The following TBL1X variants were observed in gnomAD, a reference collection of about 807,000 sequenced individuals.
TBL1X encodes the protein F-box-like/WD repeat-containing protein TBL1X.
Under a neutral mutation model 50.7 loss-of-function variants are expected in TBL1X, and 10 were observed. The observed-to-expected ratio is 0.20, with a 90% CI of 0.12 to 0.33. TBL1X has a LOEUF of 0.33. Among genes scored for constraint, TBL1X ranks in the 10% least tolerant of loss-of-function variants. The pLI is 1.00. For missense variants in TBL1X, 340 were observed against 504.4 expected (o/e 0.67, Z 3.12); for synonymous variants, 190 against 214.7 (o/e 0.88, Z 1.01).
At position 9,718,764 on chromosome X, in the gene TBL1X, C is replaced by T. The variant is rs1300383218; in HGVS notation, c.*2518C>T. 3 of 111,982 alleles carry T rather than the reference C, an allele frequency of 2.7e-5. No homozygotes were observed. Among genetic ancestry groups the T allele is most frequent in the African/African-American group, 9.7e-5 (3 of 30,807 alleles). The allele number at this position is 111,982 out of a possible 1,213,427, so 9.2% of individuals were successfully genotyped here. On this transcript the variant is annotated 3_prime_UTR_variant, in exon 18 of 18. Coordinates refer to ENST00000645353, the MANE Select transcript of TBL1X (RefSeq NM_005647.4). ...AGCCAGGGTCTCTCCCGAGGGATGG[C>T]TTTAGTCTTGATGAATGTGAACCAT... is the stretch of plus-strand genomic sequence containing the variant.
intron 2 of TBL1X, among the ~76,000 whole-genome samples, chrX:9,517,766 G>A (rs1483152888): frequency 8.9e-6 from 1 of 112,210 alleles, no homozygotes; most frequent in African/African-American, 3.2e-5. Context: ...TGAGTGGATG[G>A]TTCTGTGGGT....
chrX:9,599,233 T>C (rs1174705648), intron 2 of TBL1X, among the ~76,000 whole-genome samples: 1 of 111,638 alleles, frequency 9.0e-6, no homozygotes, highest in Non-Finnish European at 1.9e-5. Context: ...CATGAGCCAC[T>C]GCAACTGGCC....
intron 2 of TBL1X, among the ~76,000 whole-genome samples, chrX:9,579,832 C>G (rs934096402): frequency 7.2e-5 from 8 of 110,760 alleles, no homozygotes; most frequent in African/African-American, 2.0e-4. Context: ...TTTGAATGTT[C>G]TTTCAACCAC....
In TBL1X at chrX:9,598,253, T is replaced by C. The variant is rs754158050; in HGVS notation, c.-130-42020T>C. ...TGAAGCCAATCAGCTTGTGGTACTT[T>C]GTTATGTTGGGCCTATGAAATTCAT... On this transcript the variant is annotated intron_variant, in intron 2 of 17. Transcript: ENST00000645353. Among the ~76,000 whole-genome samples, 3 of 111,879 alleles carry C rather than the reference T, an allele frequency of 2.7e-5. No homozygotes were observed. The South Asian group carries it at 1.1e-3, about 42-fold the overall frequency.
intron 2 of TBL1X, among the ~76,000 whole-genome samples, chrX:9,585,911 T>A (rs1224690385): frequency 8.9e-6 from 1 of 111,881 alleles, no homozygotes; most frequent in Admixed American, 9.5e-5. Flanking sequence ...TTAACCTTTC[T>A]AATCCTCAAT....
intron 2 of TBL1X, among the ~76,000 whole-genome samples, chrX:9,581,870 G>A (rs1054520315): frequency 2.7e-5 from 3 of 111,888 alleles, no homozygotes; most frequent in Non-Finnish European, 5.6e-5. Flanking sequence ...GCCCAGCCCA[G>A]CTGAGTCCTG....
rs2083281229 is a variant in TBL1X, at chrX:9,716,744, A to T, written c.*498A>T. 1 of 111,619 alleles carries T rather than the reference A, an allele frequency of 9.0e-6. No homozygotes were observed. Among genetic ancestry groups the T allele is most frequent in the African/African-American group, 3.3e-5 (1 of 30,501 alleles). 9.2% of individuals were successfully genotyped at this position (111,619 alleles called of 1,213,427 possible). Reference sequence around the variant, plus strand: ...TCAAAGACCAGTTTGTACCGATGAAACGCGCAACTTTGTAATCCCAACACT... The same window carrying T: ...TCAAAGACCAGTTTGTACCGATGAATCGCGCAACTTTGTAATCCCAACACT... On this transcript the variant is annotated 3_prime_UTR_variant, in exon 18 of 18. Coordinates refer to ENST00000645353, the MANE Select transcript of TBL1X (RefSeq NM_005647.4).
At chrX:9,553,325 T>G (rs142066004) in intron 2 of TBL1X, among the ~76,000 whole-genome samples, 1,243 of 111,578 alleles carry the variant, frequency 0.011, 16 homozygotes, top group African/African-American at 0.037. Context: ...CAAGGGATGC[T>G]GGCGGCCTCT....
At chrX:9,494,765 C>G (rs1288173720) in intron 1 of TBL1X, among the ~76,000 whole-genome samples, 1 of 111,534 alleles carries the variant, frequency 9.0e-6, no homozygotes, top group Admixed American at 9.6e-5. Context: ...GTGTTAAAAT[C>G]TATTTGGTTC....
chrX:9,628,870 G>A (rs1277859971), intron 2 of TBL1X, among the ~76,000 whole-genome samples: 2 of 112,094 alleles, frequency 1.8e-5, no homozygotes, highest in East Asian at 2.8e-4. Flanking sequence ...TTTACGAGGC[G>A]TTTTGGGCTT....
intron 12 of TBL1X, among the ~76,000 whole-genome samples, chrX:9,698,427 G>A (rs2146644730): frequency 8.9e-6 from 1 of 111,861 alleles, no homozygotes; most frequent in South Asian, 3.8e-4. Flanking sequence ...GGGAAACGGT[G>A]CACACGGCCA....
chrX:9,533,373 T>C (rs2082172147), intron 2 of TBL1X, among the ~76,000 whole-genome samples: 1 of 111,672 alleles, frequency 9.0e-6, no homozygotes, highest in Admixed American at 9.5e-5. Flanking sequence ...CTCCCCACTT[T>C]TTCAAAACGT....
chrX:9,662,261 T>C (rs886991987), intron 5 of TBL1X, among the ~76,000 whole-genome samples: 3 of 111,520 alleles, frequency 2.7e-5, no homozygotes, highest in Admixed American at 9.5e-5. Context: ...CCTCACACTT[T>C]AGGGGAGCAG....
intron 2 of TBL1X, chrX:9,636,488 C>CAACAA (rs759072307): frequency 2.1e-5 from 1 of 48,605 alleles, no homozygotes; most frequent in African/African-American, 9.5e-5. Context: ...CAAAGCAAAA[C>CAACAA]AACAACAACA....
chrX:9,667,781 GC>G (rs1357454664), intron 5 of TBL1X, among the ~76,000 whole-genome samples: 1 of 111,719 alleles, frequency 9.0e-6, no homozygotes, highest in Non-Finnish European at 1.9e-5. Flanking sequence ...GAAAGCTGAG[GC>G]TCCTATCAAA....
chrX:9,659,307 C>G (rs1219104495), intron 5 of TBL1X, among the ~76,000 whole-genome samples: 1 of 112,260 alleles, frequency 8.9e-6, no homozygotes, highest in Non-Finnish European at 1.9e-5. Flanking sequence ...CACCACTGCT[C>G]TGTCCCTAGA....
intron 8 of TBL1X, among the ~76,000 whole-genome samples, 162 bp downstream of exon 8, chrX:9,691,873 A>G (rs947512424): frequency 8.9e-6 from 1 of 111,879 alleles, no homozygotes; most frequent in East Asian, 2.8e-4. Flanking sequence ...ACTTCTCTAC[A>G]TGTCTCATAT....
chrX:9,635,253 A>G (rs896419528), intron 2 of TBL1X, among the ~76,000 whole-genome samples: 3 of 110,869 alleles, frequency 2.7e-5, no homozygotes, highest in Non-Finnish European at 5.7e-5. Flanking sequence ...ACACCCCAAA[A>G]TATCTCCAGA....
At chrX:9,472,709 C>T (rs996289646) in intron 1 of TBL1X, among the ~76,000 whole-genome samples, 5 of 110,015 alleles carry the variant, frequency 4.5e-5, no homozygotes, top group South Asian at 7.7e-4. Flanking sequence ...GTCAGGAGAT[C>T]GAGACCATTC....
Sources: allele counts gnomAD v4.1 joint callset (sites outside exome capture counted in the v4.1 genomes callset), GRCh38; gene constraint gnomAD v4.1.1; transcripts MANE v1.5; gene names NCBI Gene and HGNC (gene_info 2026-07-23, HGNC 2026-07-21).